ROCK2: variants seen among roughly 807,000 people sequenced by gnomAD.
ROCK2 encodes Rho associated coiled-coil containing protein kinase 2.
ROCK2 carries 61 observed loss-of-function variants against 195.1 expected under a neutral mutation model. The observed-to-expected ratio is 0.31, with a 90% CI of 0.25 to 0.39. The LOEUF is 0.39. ROCK2 is among the 10% of genes least tolerant of loss of function. The probability of loss-of-function intolerance (pLI) is 1.00; values close to 1 mark genes in which losing one functional copy is unlikely to be tolerated. For synonymous variants in ROCK2, 504 were observed against 545.5 expected (o/e 0.92, Z 1.06); for missense variants, 1,109 against 1,637.4 (o/e 0.68, Z 5.57).
intron 1 of ROCK2, among the ~76,000 whole-genome samples, chr2:11,303,109 T>C (rs919535282): frequency 6.6e-6 from 1 of 152,228 alleles, no homozygotes; most frequent in African/African-American, 2.4e-5. Context: ...TTCAGTCATG[T>C]CTACTTGTTC....
chr2:11,237,427 A>C (rs1363017114), intron 4 of ROCK2, among the ~76,000 whole-genome samples: 1 of 152,226 alleles, frequency 6.6e-6, no homozygotes, highest in Non-Finnish European at 1.5e-5. Context: ...GACTAGAACA[A>C]AGGAATAGTA....
At chr2:11,215,736 G>C in intron 13 of ROCK2, 91 bp from the exon 14 acceptor site, 1 of 1,122,188 alleles carries the variant, frequency 8.9e-7, no homozygotes. Flanking sequence ...AGATAAAAAA[G>C]ATCTCAAAAA....
intron 4 of ROCK2, among the ~76,000 whole-genome samples, chr2:11,238,069 C>A (rs1572286385): frequency 6.6e-6 from 1 of 152,242 alleles, no homozygotes; most frequent in South Asian, 2.1e-4. Context: ...CAGAGTGAGA[C>A]TTTGACTAGC....
intron 3 of ROCK2, among the ~76,000 whole-genome samples, chr2:11,275,840 C>CA (rs1242408537): frequency 1.3e-5 from 2 of 151,976 alleles, no homozygotes; most frequent in African/African-American, 4.8e-5. Flanking sequence ...GCTGGGATTA[C>CA]AGCTGCCTGC....
At chr2:11,328,546 CATTA>C (rs1015175317) in intron 1 of ROCK2, among the ~76,000 whole-genome samples, 2 of 152,198 alleles carry the variant, frequency 1.3e-5, no homozygotes, top group Non-Finnish European at 2.9e-5. Flanking sequence ...TAGAACATCT[CATTA>C]ATTAACACCA....
intron 3 of ROCK2, among the ~76,000 whole-genome samples, chr2:11,278,119 G>A (rs1032285021): frequency 1.3e-5 from 2 of 152,080 alleles, no homozygotes; most frequent in African/African-American, 2.4e-5. Context: ...TATTCTTTTA[G>A]AGATTTTTTG....
intron 3 of ROCK2, among the ~76,000 whole-genome samples, chr2:11,262,694 C>T (rs1309010259): frequency 2.6e-5 from 4 of 152,100 alleles, no homozygotes; most frequent in East Asian, 1.9e-4. Context: ...TCCCCAGCCA[C>T]GTGGAACTGT....
intron 1 of ROCK2, among the ~76,000 whole-genome samples, chr2:11,311,019 T>A (rs759751491): frequency 3.3e-5 from 5 of 151,552 alleles, no homozygotes; most frequent in African/African-American, 4.9e-5. Context: ...ATAGATGACA[T>A]TCTGATCTCT....
At chr2:11,296,570 T>A (rs1263692365) in intron 1 of ROCK2, among the ~76,000 whole-genome samples, 1 of 152,186 alleles carries the variant, frequency 6.6e-6, no homozygotes, top group Non-Finnish European at 1.5e-5. Flanking sequence ...TTAGCTATTA[T>A]TACCACTATT....
chr2:11,278,402 C>T (rs2148179447), intron 3 of ROCK2, among the ~76,000 whole-genome samples: 1 of 152,306 alleles, frequency 6.6e-6, no homozygotes, highest in African/African-American at 2.4e-5. Context: ...GGATTTCTTC[C>T]TTTTGTAAGG....
chr2:11,204,382 C>T (rs1663973291), intron 20 of ROCK2, among the ~76,000 whole-genome samples: 1 of 152,046 alleles, frequency 6.6e-6, no homozygotes, highest in South Asian at 2.1e-4. Flanking sequence ...CACTCCTATC[C>T]TGTCATTGTT....
At chr2:11,268,548 GTGTGTGTGTC>G (rs1026766903) in intron 3 of ROCK2, among the ~76,000 whole-genome samples, 7 of 151,606 alleles carry the variant, frequency 4.6e-5, no homozygotes, top group African/African-American at 1.7e-4. Flanking sequence ...GTGTGTGTGT[GTGTGTGTGTC>G]TCTGCATTCA....
intron 18 of ROCK2, among the ~76,000 whole-genome samples, chr2:11,211,457 T>C (rs1664242647): frequency 6.6e-6 from 1 of 152,184 alleles, no homozygotes; most frequent in Non-Finnish European, 1.5e-5. Flanking sequence ...AATCTGATCA[T>C]GTAATTTTGT....
At chr2:11,188,400 G>A (rs1005791029) in intron 32 of ROCK2, among the ~76,000 whole-genome samples, 3 of 151,720 alleles carry the variant, frequency 2.0e-5, no homozygotes, top group Non-Finnish European at 4.4e-5. Flanking sequence ...GTGAGCCACC[G>A]CGCCCAGCCC....
chr2:11,337,706 C>T (rs1238691738), intron 1 of ROCK2, among the ~76,000 whole-genome samples: 1 of 151,918 alleles, frequency 6.6e-6, no homozygotes, highest in African/African-American at 2.4e-5. Flanking sequence ...AGTCTCAGCT[C>T]ACTGCAACCT....
chr2:11,316,667 C>T (rs762987461), intron 1 of ROCK2, among the ~76,000 whole-genome samples: 2 of 152,050 alleles, frequency 1.3e-5, no homozygotes, highest in Non-Finnish European at 2.9e-5. Context: ...AAATATTTTG[C>T]CATAACAGAT....
chr2:11,222,957 T>G (rs1345228968), intron 7 of ROCK2, among the ~76,000 whole-genome samples: 1 of 152,108 alleles, frequency 6.6e-6, no homozygotes, highest in Non-Finnish European at 1.5e-5. Flanking sequence ...TAACACTCCT[T>G]TCATTAACAT....
In ROCK2 at chr2:11,224,623, T is replaced by G. The variant is rs769953477; in HGVS notation, c.869-163A>C. The stretch of plus-strand genomic sequence containing the variant: ...TCAAAACAACAGACATATTGTTATA[T>G]TCTAAATCAAAGAATATATTTAAAA... On this transcript the variant is annotated intron_variant, in intron 6 of 32. Transcript: ENST00000315872. Among the ~76,000 whole-genome samples the G allele has an allele frequency of 5.3e-5, 8 of 152,154 alleles. No individual in the cohort carries two copies. In the South Asian group the frequency reaches 8.3e-4, roughly 16 times the overall value.
At chr2:11,223,520 TA>T (rs1289476867) in intron 7 of ROCK2, among the ~76,000 whole-genome samples, 2 of 152,192 alleles carry the variant, frequency 1.3e-5, no homozygotes, top group Non-Finnish European at 2.9e-5. Flanking sequence ...TAAGATGTGC[TA>T]AGGAATCTTA....
Sources: gnomAD v4.1 joint callset for allele counts (sites outside exome capture counted in the v4.1 genomes callset) on GRCh38, gnomAD v4.1.1 for gene constraint, MANE v1.5 for transcripts, NCBI Gene and HGNC (gene_info 2026-07-23, HGNC 2026-07-21) for gene names.